SPART: variants seen among roughly 807,000 people sequenced by gnomAD.
The protein encoded by SPART is spastic paraplegia 20 (Troyer syndrome).
Under a neutral mutation model 58.7 loss-of-function variants are expected in SPART, and 35 were observed. That is an observed-to-expected ratio of 0.60 (90% confidence interval 0.46 to 0.79). The LOEUF is 0.79. Ranked by LOEUF, SPART falls within the 30% of genes least tolerant of loss-of-function variation. The probability of loss-of-function intolerance (pLI) is 0.00; values close to 1 mark genes in which losing one functional copy is unlikely to be tolerated. For missense variants in SPART, 730 were observed against 786.1 expected, an observed-to-expected ratio of 0.93 and a Z score of 0.85; for synonymous variants, 284 against 280.7, an observed-to-expected ratio of 1.01 and a Z score of -0.12.
At chr13:36,323,197 TG>T (rs985695335) in intron 5 of SPART, among the ~76,000 whole-genome samples, 2 of 152,170 alleles carry the variant, frequency 1.3e-5, no homozygotes, top group Non-Finnish European at 2.9e-5. Context: ...TAAATTAAAT[TG>T]GGAAAGACTA....
intron 8 of SPART, among the ~76,000 whole-genome samples, chr13:36,308,943 C>T (rs1566107220): frequency 1.3e-5 from 2 of 152,080 alleles, no homozygotes; most frequent in Non-Finnish European, 2.9e-5. Flanking sequence ...TCTCTCAACT[C>T]TTGGTAAAAC....
intron 1 of SPART, among the ~76,000 whole-genome samples, chr13:36,339,878 G>A (rs1052593946): frequency 6.6e-6 from 1 of 151,948 alleles, no homozygotes; most frequent in African/African-American, 2.4e-5. Context: ...ATCAGCCTGG[G>A]CAACATAGTG....
At chr13:36,369,268 A>G (rs979082599) in intron 1 of SPART, among the ~76,000 whole-genome samples, 1 of 152,198 alleles carries the variant, frequency 6.6e-6, no homozygotes, top group African/African-American at 2.4e-5. Flanking sequence ...TGGTAGAGTT[A>G]TTAGGAGTGT....
chr13:36,354,212 G>C (rs1268505102), intron 1 of SPART, among the ~76,000 whole-genome samples: 1 of 149,768 alleles, frequency 6.7e-6, no homozygotes, highest in East Asian at 1.9e-4. Flanking sequence ...GCATAAAGGA[G>C]GTTTTTTTCT....
chr13:36,301,889 G>T lies in SPART; in HGVS notation c.*2476C>A, dbSNP rs923365435. 6.6e-6 allele frequency: 1 copy of T among 152,126 alleles called. No individual in the cohort carries two copies. The highest frequency in any genetic ancestry group is 1.5e-5 in the Non-Finnish European group (1 of 68,028). 9.4% of individuals were successfully genotyped at this position (152,126 alleles called of 1,614,324 possible). The stretch of plus-strand genomic sequence containing the variant: ...AACAAATGTCAACTGATAGGAAAAT[G>T]AACACTTAAATTGTGGTATACTCAC... On this transcript the variant is annotated 3_prime_UTR_variant, in exon 9 of 9. Coordinates refer to ENST00000438666, the MANE Select transcript of SPART (RefSeq NM_015087.5).
At chr13:36,327,772 G>C (rs1883072701) in intron 4 of SPART, among the ~76,000 whole-genome samples, 1 of 152,164 alleles carries the variant, frequency 6.6e-6, no homozygotes, top group South Asian at 2.1e-4. Flanking sequence ...TGGATCACCT[G>C]AAGTCAGGAG....
chr13:36,350,341 T>C (rs1359935339), upstream of SPART, among the ~76,000 whole-genome samples: 1 of 152,208 alleles, frequency 6.6e-6, no homozygotes, highest in East Asian at 1.9e-4. Context: ...CGTTTTATAC[T>C]GAAATAATTA....
Position 36,345,900 on chromosome 13 carries a change from G to C in SPART, c.-3+325C>G, listed in dbSNP as rs574313424. ...TGGGGCGGCGAGAATGATCAATAGC[G>C]ATGCTCCGAAAGGACTCCGCGATAG... On this transcript the variant is annotated intron_variant, in intron 1 of 8. Coordinates refer to ENST00000438666, the MANE Select transcript of SPART (RefSeq NM_015087.5). Among the ~76,000 whole-genome samples, 5 of 152,174 alleles carry C rather than the reference G, an allele frequency of 3.3e-5. No homozygotes were observed. In the East Asian group the frequency reaches 9.7e-4, roughly 30 times the overall value.
chr13:36,324,827 G>T (rs1882754041), intron 5 of SPART, among the ~76,000 whole-genome samples: 1 of 152,174 alleles, frequency 6.6e-6, no homozygotes, highest in Non-Finnish European at 1.5e-5. Flanking sequence ...GATTTGGGTA[G>T]ATAAAGGAAA....
intron 1 of SPART, among the ~76,000 whole-genome samples, chr13:36,355,678 C>T (rs1308909731): frequency 6.6e-6 from 1 of 152,154 alleles, no homozygotes; most frequent in African/African-American, 2.4e-5. Context: ...AATTCTAAGG[C>T]TCCCCCCAAC....
intron 5 of SPART, among the ~76,000 whole-genome samples, chr13:36,318,304 C>A (rs2137379001): frequency 6.6e-6 from 1 of 152,268 alleles, no homozygotes; most frequent in East Asian, 1.9e-4. Flanking sequence ...AAGCCATAGT[C>A]AAGGTTAATG....
At chr13:36,332,975 A>G (rs1883600199) in intron 2 of SPART, among the ~76,000 whole-genome samples, 1 of 152,198 alleles carries the variant, frequency 6.6e-6, no homozygotes, top group South Asian at 2.1e-4. Context: ...AAAAATTGTA[A>G]AAGTTATTCT....
chr13:36,356,857 A>G lies in SPART; in HGVS notation c.-3+13232T>C, dbSNP rs1020609876. Among the ~76,000 whole-genome samples the G allele has an allele frequency of 9.2e-5, 14 of 152,362 alleles. No homozygotes were observed. In the East Asian group the frequency reaches 1.9e-3, roughly 21 times the overall value. ...GGAGGATACATGGAAGTTAGTGTGCATGATTTACTAAATTGAAATTTGTAA... is the reference window on the plus strand; with the variant it reads ...GGAGGATACATGGAAGTTAGTGTGCGTGATTTACTAAATTGAAATTTGTAA... On this transcript the variant is annotated intron_variant, in intron 1 of 8. Transcript: ENST00000355182.
rs1880254727 is a variant in SPART at position 36,304,236 on chromosome 13, A to G, written c.*129T>C. 3.5e-6 allele frequency: 4 copies of G among 1,127,596 alleles called. No homozygotes were observed. Among genetic ancestry groups the G allele is most frequent in the Middle Eastern group, 3.0e-4 (1 of 3,322 alleles). The allele number at this position is 1,127,596 out of a possible 1,614,324, so 69.8% of individuals were successfully genotyped here. A position where few individuals can be genotyped will look rare whatever the true frequency, so the allele number is the denominator to read the frequency against. On this transcript the variant is annotated 3_prime_UTR_variant, in exon 9 of 9. Transcript: ENST00000438666. Reference sequence around the variant, plus strand: ...TAGAAGACATGCCATAAAATTTATGAAAGTTAATTTGTAGGAATGAATACA... The same window carrying G: ...TAGAAGACATGCCATAAAATTTATGGAAGTTAATTTGTAGGAATGAATACA...
chr13:36,306,934 A>C (rs1880564494), intron 8 of SPART, among the ~76,000 whole-genome samples: 1 of 152,190 alleles, frequency 6.6e-6, no homozygotes, highest in African/African-American at 2.4e-5. Flanking sequence ...TGTATTTTTA[A>C]ATATACTATA....
intron 1 of SPART, among the ~76,000 whole-genome samples, chr13:36,362,667 GC>G (rs1885910934): frequency 6.7e-6 from 1 of 148,240 alleles, no homozygotes; most frequent in Non-Finnish European, 1.5e-5. Context: ...AGTAGGAGGA[GC>G]CCTACTCCTC....
intron 3 of SPART, among the ~76,000 whole-genome samples, chr13:36,330,827 A>G (rs1330500061): frequency 6.6e-6 from 1 of 152,090 alleles, no homozygotes; most frequent in African/African-American, 2.4e-5. Context: ...TTTGGCCTTC[A>G]TTTACCACAA....
At chr13:36,349,484 C>A (rs1363752997), upstream of SPART, among the ~76,000 whole-genome samples, 1 of 152,154 alleles carries the variant, frequency 6.6e-6, no homozygotes, top group African/African-American at 2.4e-5. Flanking sequence ...TTGGGTCCTA[C>A]AGTGCCCAGT....
At chr13:36,345,871 G>T (rs998096129) in intron 1 of SPART, among the ~76,000 whole-genome samples, 7 of 152,124 alleles carry the variant, frequency 4.6e-5, no homozygotes, top group Non-Finnish European at 7.3e-5. Context: ...GTAAACAACG[G>T]GGTTGGGGCG....
Sources: allele counts gnomAD v4.1 joint callset (sites outside exome capture counted in the v4.1 genomes callset), GRCh38; gene constraint gnomAD v4.1.1; transcripts MANE v1.5; gene names NCBI Gene and HGNC (gene_info 2026-07-23, HGNC 2026-07-21).